Variants in SPIDR observed in about 807,000 individuals in gnomAD.
SPIDR encodes DNA repair-scaffolding protein.
A neutral mutation model predicts 104.6 loss-of-function variants in SPIDR; 93 were observed. The observed-to-expected ratio is 0.89, with a 90% CI of 0.75 to 1.06. The LOEUF (loss-of-function observed/expected upper bound fraction) is 1.06. SPIDR is among the 50% of genes least tolerant of loss of function. The pLI is 0.00. For missense variants in SPIDR, 1,154 were observed against 1,111.2 expected, an observed-to-expected ratio of 1.04 and a Z score of -0.55; for synonymous variants, 431 against 416.9, an observed-to-expected ratio of 1.03 and a Z score of -0.41.
At chr8:47,633,606 G>C (rs2154443507) in intron 10 of SPIDR, among the ~76,000 whole-genome samples, 1 of 149,398 alleles carries the variant, frequency 6.7e-6, no homozygotes, top group South Asian at 2.1e-4. Context: ...TGGGAGGCCA[G>C]GGCAAGAGGA....
intron 5 of SPIDR, among the ~76,000 whole-genome samples, chr8:47,297,789 A>G (rs1438119910): frequency 3.3e-5 from 5 of 152,172 alleles, no homozygotes; most frequent in Non-Finnish European, 7.3e-5. Context: ...ACATGAACTC[A>G]TCATTTTTTA....
At chr8:47,694,993 T>C (rs555218531) in intron 11 of SPIDR, among the ~76,000 whole-genome samples, 2 of 151,910 alleles carry the variant, frequency 1.3e-5, no homozygotes, top group South Asian at 4.2e-4. Flanking sequence ...GCAATGAGAG[T>C]CACATTGCCC....
chr8:47,714,116 G>A (rs1352988096), intron 16 of SPIDR, among the ~76,000 whole-genome samples: 1 of 152,044 alleles, frequency 6.6e-6, no homozygotes, highest in Admixed American at 6.6e-5. Flanking sequence ...GCTGAGGCTG[G>A]TGGGCCCACC....
chr8:47,374,230 T>A (rs1324804625), intron 5 of SPIDR, among the ~76,000 whole-genome samples: 2 of 152,164 alleles, frequency 1.3e-5, no homozygotes, highest in Non-Finnish European at 2.9e-5. Flanking sequence ...CCATTAAAAC[T>A]TTTTTTGCTG....
chr8:47,286,479 C>T (rs1416469035), intron 3 of SPIDR, among the ~76,000 whole-genome samples: 1 of 152,162 alleles, frequency 6.6e-6, no homozygotes, highest in African/African-American at 2.4e-5. Flanking sequence ...GAGGCTGTGG[C>T]AGGAAGATCA....
chr8:47,390,486 A>T (rs1554651111), intron 5 of SPIDR, among the ~76,000 whole-genome samples: 1 of 118,362 alleles, frequency 8.4e-6, no homozygotes, highest in East Asian at 2.0e-4. Context: ...GTGTGCTATT[A>T]AAAAAAAAAA....
chr8:47,420,062 G>A (rs1385581628), intron 7 of SPIDR, among the ~76,000 whole-genome samples: 1 of 152,098 alleles, frequency 6.6e-6, no homozygotes, highest in Admixed American at 6.6e-5. Flanking sequence ...GAATAGGTGT[G>A]GTGTGGTGCT....
At chr8:47,529,309 T>C (rs1266667199) in intron 8 of SPIDR, among the ~76,000 whole-genome samples, 1 of 151,930 alleles carries the variant, frequency 6.6e-6, no homozygotes, top group Non-Finnish European at 1.5e-5. Context: ...TCCCAGCTAC[T>C]TGGGAGGCTG....
chr8:47,325,317 G>T (rs1156707807), intron 5 of SPIDR, among the ~76,000 whole-genome samples: 1 of 152,104 alleles, frequency 6.6e-6, no homozygotes, highest in East Asian at 1.9e-4. Flanking sequence ...TTGCTTAGAG[G>T]TAGTATATTA....
rs78986070 is a variant in SPIDR at position 47,376,119 on chromosome 8, A to G, written c.526-20257A>G. 3.0e-4 allele frequency among the ~76,000 whole-genome samples: 45 copies of G among 152,320 alleles called. 1 individual carries two copies. In the East Asian group the frequency reaches 5.2e-3, roughly 18 times the overall value. ...ACTTTGAGGTCTCTGAGCAACACTG[A>G]ATCTAGGTAAATTAAACCTTTTTGT... is the stretch of plus-strand genomic sequence containing the variant. On this transcript the variant is annotated intron_variant, in intron 5 of 19. Transcript: ENST00000297423.
At position 47,591,975 on chromosome 8, in the gene SPIDR, C is replaced by T. The variant is rs568729872; in HGVS notation, c.1098-3836C>T. ...CTGCTCATGCTTTATGACAGTGAAT[C>T]AGGACAAGACATAGATTTGCTAATG... On this transcript the variant is annotated intron_variant, in intron 8 of 19. Coordinates refer to ENST00000297423, the MANE Select transcript of SPIDR (RefSeq NM_001080394.4). 1.3e-5 allele frequency among the ~76,000 whole-genome samples: 2 copies of T among 152,218 alleles called. 1 individual carries two copies. The highest frequency in any genetic ancestry group is 4.1e-4 in the South Asian group (2 of 4,828).
chr8:47,729,946 T>G (rs2084931153), intron 19 of SPIDR, among the ~76,000 whole-genome samples: 1 of 152,134 alleles, frequency 6.6e-6, no homozygotes, highest in Admixed American at 6.5e-5. Flanking sequence ...CTCGAACTCT[T>G]GACCTCAGGT....
At chr8:47,548,016 G>A (rs928330021) in intron 8 of SPIDR, 9 of 152,468 alleles carry the variant, frequency 5.9e-5, no homozygotes, top group Admixed American at 6.6e-5. Flanking sequence ...CACCAATTTT[G>A]ATATGTAATC....
chr8:47,479,432 GTATCT>G (rs2076642195), intron 8 of SPIDR, among the ~76,000 whole-genome samples: 1 of 152,076 alleles, frequency 6.6e-6, no homozygotes, highest in Non-Finnish European at 1.5e-5. Flanking sequence ...TTGCTGGAAA[GTATCT>G]TATAAGAGAA....
chr8:47,624,698 A>C (rs1293344222), intron 10 of SPIDR, among the ~76,000 whole-genome samples: 1 of 152,228 alleles, frequency 6.6e-6, no homozygotes, highest in Admixed American at 6.5e-5. Flanking sequence ...AAGAAGTTGA[A>C]TCTCTGAATA....
intron 7 of SPIDR, among the ~76,000 whole-genome samples, chr8:47,417,090 T>C (rs1455220730): frequency 6.6e-6 from 1 of 152,208 alleles, no homozygotes; most frequent in Non-Finnish European, 1.5e-5. Context: ...TAAACATACA[T>C]GTGCATGTGT....
intron 8 of SPIDR, among the ~76,000 whole-genome samples, chr8:47,582,827 T>TACACACACAC (rs72295566): frequency 1.5e-4 from 19 of 130,268 alleles, no homozygotes; most frequent in East Asian, 9.1e-4. Flanking sequence ...AACAACAAAT[T>TACACACACAC]ACACACACAC....
At chr8:47,594,575 T>C (rs998067841) in intron 8 of SPIDR, among the ~76,000 whole-genome samples, 5 of 152,166 alleles carry the variant, frequency 3.3e-5, no homozygotes, top group African/African-American at 7.2e-5. Context: ...TCTGCCTTTC[T>C]AGGCTGCCCC....
At chr8:47,264,118 A>C (rs2033295632) in intron 1 of SPIDR, among the ~76,000 whole-genome samples, 3 of 152,200 alleles carry the variant, frequency 2.0e-5, no homozygotes, top group Admixed American at 1.3e-4. Context: ...CAGCTGAATG[A>C]TTTTGCAGTT....
Sources: allele counts gnomAD v4.1 joint callset (sites outside exome capture counted in the v4.1 genomes callset), GRCh38; gene constraint gnomAD v4.1.1; transcripts MANE v1.5; gene names NCBI Gene and HGNC (gene_info 2026-07-23, HGNC 2026-07-21).